Variants in YLPM1 observed in about 807,000 individuals in gnomAD.
YLPM1 encodes the protein YLP motif containing 1, also known as YLP motif-containing protein 1.
Under a neutral mutation model 230.0 loss-of-function variants are expected in YLPM1, and 99 were observed. The observed-to-expected ratio is 0.43, with a 90% CI of 0.37 to 0.51. The LOEUF (loss-of-function observed/expected upper bound fraction) is 0.51. Ranked by LOEUF, YLPM1 falls within the 20% of genes least tolerant of loss-of-function variation. The pLI is 0.00. For missense variants in YLPM1, 2,592 were observed against 2,707.7 expected (o/e 0.96, Z 0.95); for synonymous variants, 984 against 942.5 (o/e 1.04, Z -0.81).
intron 1 of YLPM1, among the ~76,000 whole-genome samples, chr14:74,769,137 G>A (rs1236826783): frequency 8.0e-5 from 12 of 150,090 alleles, no homozygotes; most frequent in African/African-American, 1.2e-4. Flanking sequence ...GTGCAGTGGC[G>A]CGATCTCGGC....
At chr14:74,828,818 G>A (rs1325732258) in intron 18 of YLPM1, among the ~76,000 whole-genome samples, 2 of 152,112 alleles carry the variant, frequency 1.3e-5, no homozygotes, top group Non-Finnish European at 2.9e-5. Context: ...GATTTCAGAT[G>A]AAATGGGTGG....
intron 5 of YLPM1, among the ~76,000 whole-genome samples, chr14:74,802,196 C>A (rs113314738): frequency 1.4e-4 from 20 of 138,388 alleles, no homozygotes; most frequent in African/African-American, 4.3e-4. Flanking sequence ...CCAGCCCAGG[C>A]GACAGAGTGA....
In YLPM1 at chr14:74,798,274, G is replaced by A; in HGVS notation, c.2977G>A (p.Glu993Lys). 1.9e-6 allele frequency: 3 copies of A among 1,613,930 alleles called. No homozygotes were observed. The highest frequency in any genetic ancestry group is 2.5e-6 in the Non-Finnish European group (3 of 1,179,882). Residue 993 changes from glutamate (E) to lysine (K), a missense_variant, in exon 5 of 21, where the codon GAA becomes AAA. Around this residue, in one of 4 missense-constraint regions of YLPM1, gnomAD observed 1,862 missense variants for 1,819.8 expected, o/e 1.02. Transcript: ENST00000325680. ...KPVGIGLPHSENNQDKGLPRP... is the reference protein window; with the variant it reads ...KPVGIGLPHSKNNQDKGLPRP... ...TGTGGGTATTGGTCTACCCCATTCA[G>A]AAAACAACCAAGATAAAGGCCTGCC...
chr14:74,824,215 C>G, intron 17 of YLPM1, 41 bp from the exon 18 acceptor site: 2 of 1,597,768 alleles, frequency 1.3e-6, no homozygotes, highest in East Asian at 2.3e-5. Context: ...ATGTATGTGT[C>G]TCTTTCTAAC....
chr14:74,788,084 A>G (rs1566745826), intron 4 of YLPM1, among the ~76,000 whole-genome samples: 2 of 151,968 alleles, frequency 1.3e-5, no homozygotes, highest in South Asian at 2.1e-4. Flanking sequence ...GCACACAAAC[A>G]TCTTAAAAGA....
chr14:74,806,767 CTGTT>C (rs1201889747), intron 6 of YLPM1, among the ~76,000 whole-genome samples: 3 of 149,652 alleles, frequency 2.0e-5, no homozygotes, highest in Non-Finnish European at 4.4e-5. Flanking sequence ...TACAGAAATT[CTGTT>C]TGTGTCCTTC....
intron 20 of YLPM1, 59 bp downstream of exon 20, chr14:74,835,506 TAAAG>T (rs2091636773): frequency 6.8e-7 from 1 of 1,462,744 alleles, no homozygotes; most frequent in South Asian, 1.3e-5. Context: ...GGGTTTGAGA[TAAAG>T]AAGACAGCAT....
chr14:74,775,714 A>G lies in YLPM1; in HGVS notation c.874-2733A>G, dbSNP rs548170362. 7.4e-4 allele frequency among the ~76,000 whole-genome samples: 113 copies of G among 152,298 alleles called. 2 individuals carry two copies. The South Asian group carries it at 8.7e-3, about 12-fold the overall frequency. On this transcript the variant is annotated intron_variant, in intron 1 of 20. Transcript: ENST00000325680. The stretch of plus-strand genomic sequence containing the variant: ...CTATAGATTGGGTTTCTTTGCTGTA[A>G]TTTTTGTGGGAAAATTATATAACAA...
chr14:74,794,087 CTGTT>C (rs2091234621), intron 4 of YLPM1, among the ~76,000 whole-genome samples: 3 of 152,298 alleles, frequency 2.0e-5, no homozygotes, highest in Admixed American at 2.0e-4. Context: ...CCTCCTCTCT[CTGTT>C]TATTATGGGT....
chr14:74,795,701 C>T (rs1311515631), intron 4 of YLPM1, among the ~76,000 whole-genome samples: 1 of 152,230 alleles, frequency 6.6e-6, no homozygotes, highest in Non-Finnish European at 1.5e-5. Context: ...TCTCTGTCCA[C>T]TATTTTTCTG....
intron 5 of YLPM1, 69 bp from the exon 6 acceptor site, chr14:74,802,487 A>G (rs2091337643): frequency 6.7e-7 from 1 of 1,502,076 alleles, no homozygotes; most frequent in Non-Finnish European, 8.9e-7. Flanking sequence ...TTAATTAAAT[A>G]TTAATTGTAG....
chr14:74,795,148 G>A (rs549311376), intron 4 of YLPM1, among the ~76,000 whole-genome samples: 57 of 152,278 alleles, frequency 3.7e-4, no homozygotes, highest in African/African-American at 1.3e-3. Context: ...CACCTGTATT[G>A]TGCAATAGTC....
In YLPM1 at chr14:74,809,402, C is replaced by T. The variant is rs982535726; in HGVS notation, c.4544C>T (p.Pro1515Leu). 8 of 1,609,036 alleles carry T rather than the reference C, an allele frequency of 5.0e-6. No individual in the cohort carries two copies. Among genetic ancestry groups the T allele is most frequent in the Middle Eastern group, 1.6e-4 (1 of 6,082 alleles). The change falls in exon 7 of 21, where the codon CCC becomes CTC. Residue 1515 changes from proline to leucine, a missense_variant. This residue lies in a region of YLPM1 where 403 missense variants were observed against 426.7 expected (regional missense o/e 0.94). Coordinates refer to ENST00000325680, the MANE Select transcript of YLPM1 (RefSeq NM_019589.3). ...TAGCCTCCAGGGTCGTATAGACCTCCCCCTCCTATGGGCAAACCACCAGGT... is the reference window on the plus strand; with the variant it reads ...TAGCCTCCAGGGTCGTATAGACCTCTCCCTCCTATGGGCAAACCACCAGGT... The part of the protein sequence containing the change: ...MYPPPGSYRP[P>L]PPMGKPPGSI...
chr14:74,780,685 G>T (rs1188810820), intron 3 of YLPM1, 101 bp downstream of exon 3: 1 of 1,484,944 alleles, frequency 6.7e-7, no homozygotes, highest in Non-Finnish European at 9.0e-7. Context: ...GATACCAACT[G>T]TTGACAATTA....
rs751081719 is a variant in YLPM1 at position 74,799,215 on chromosome 14, T to G, written c.3918T>G (p.Asn1306Lys). The G allele has an allele frequency of 4.3e-6, 7 of 1,613,924 alleles. No homozygotes were observed. In the Admixed American group the frequency reaches 1.2e-4, roughly 27 times the overall value. The change falls in exon 5 of 21, where the codon AAT becomes AAG. Residue 1306 changes from asparagine to lysine, a missense_variant. Coordinates refer to ENST00000325680, the MANE Select transcript of YLPM1 (RefSeq NM_019589.3). ...PMDMYDRSLD[N>K]EWDRDYGRPL... ...ATATGTATGATAGAAGTTTGGATAA[T>G]GAGTGGGACAGAGATTATGGGAGAC...
At chr14:74,770,273 A>G (rs2090964902) in intron 1 of YLPM1, among the ~76,000 whole-genome samples, 1 of 151,692 alleles carries the variant, frequency 6.6e-6, no homozygotes. Flanking sequence ...GTTTAAGCCC[A>G]GGAGTTCTCG....
intron 4 of YLPM1, 37 bp downstream of exon 4, chr14:74,782,362 G>A (rs991376090): frequency 6.7e-7 from 1 of 1,482,806 alleles, no homozygotes; most frequent in African/African-American, 1.4e-5. Flanking sequence ...TTTTGGTTTG[G>A]CTATTTTATT....
In YLPM1 at chr14:74,836,019, G is replaced by T. The variant is rs2091641317; in HGVS notation, c.*281G>T. The T allele has an allele frequency of 2.5e-6, 1 of 395,544 alleles. No individual in the cohort carries two copies. Among genetic ancestry groups the T allele is most frequent in the East Asian group, 7.3e-5 (1 of 13,732 alleles). The allele number at this position is 395,544 out of a possible 1,614,324, so 24.5% of individuals were successfully genotyped here. A position where few individuals can be genotyped will look rare whatever the true frequency, so the allele number is the denominator to read the frequency against. ...GAAGCCAGGCGGGGGTCTGCTGGAG[G>T]ATTCCAACAGAGAGTATTTCCTCCA... is the stretch of plus-strand genomic sequence containing the variant. On this transcript the variant is annotated 3_prime_UTR_variant, in exon 21 of 21. Transcript: ENST00000325680.
At chr14:74,778,277 T>C (rs1014452701) in intron 1 of YLPM1, among the ~76,000 whole-genome samples, 170 bp from the exon 2 acceptor site, 1 of 152,236 alleles carries the variant, frequency 6.6e-6, no homozygotes, top group Admixed American at 6.5e-5. Context: ...GAAATTTTTC[T>C]GTAGCCTGTG....
Sources: gnomAD v4.1 joint callset for allele counts (sites outside exome capture counted in the v4.1 genomes callset) on GRCh38, gnomAD v4.1.1 for gene constraint, gnomAD v4.1.1 regional missense constraint, MANE v1.5 for transcripts, NCBI Gene and HGNC (gene_info 2026-07-23, HGNC 2026-07-21) for gene names.